The following PIP4K2A variants were observed in gnomAD, a reference collection of about 807,000 sequenced individuals.
PIP4K2A encodes the protein phosphatidylinositol-5-phosphate 4-kinase type 2 alpha, also known as phosphatidylinositol 5-phosphate 4-kinase type-2 alpha.
A neutral mutation model predicts 42.9 loss-of-function variants in PIP4K2A; 14 were observed. That is an observed-to-expected ratio of 0.33 (90% CI 0.22 to 0.51). The LOEUF (loss-of-function observed/expected upper bound fraction) is 0.51. PIP4K2A is among the 20% of genes least tolerant of loss of function. The probability of loss-of-function intolerance (pLI) is 0.97; values close to 1 mark genes in which losing one functional copy is unlikely to be tolerated. For missense variants in PIP4K2A, 434 were observed against 519.8 expected (o/e 0.83, Z 1.61); for synonymous variants, 192 against 192.2 (o/e 1.00, Z 0.01).
At chr10:22,660,358 C>G (rs1839181156) in intron 1 of PIP4K2A, among the ~76,000 whole-genome samples, 1 of 152,102 alleles carries the variant, frequency 6.6e-6, no homozygotes, top group Admixed American at 6.5e-5. Context: ...GTAATCCCAG[C>G]TACTTGGGAG....
rs151043322 is a variant in PIP4K2A at position 22,559,969 on chromosome 10, C to T, written c.678+7882G>A. Among the ~76,000 whole-genome samples, 217 of 152,270 alleles carry T rather than the reference C, an allele frequency of 1.4e-3. 2 individuals are homozygous for T. Among genetic ancestry groups the T allele is most frequent in the African/African-American group, 5.1e-3 (210 of 41,532 alleles). On this transcript the variant is annotated intron_variant, in intron 6 of 9. Transcript: ENST00000376573. ...AACCCTCTGTTTGGAGTCCTTCACC[C>T]AAATCTCCCTTTTATAAAATGTCTC...
At chr10:22,693,700 A>C (rs946553516) in intron 1 of PIP4K2A, among the ~76,000 whole-genome samples, 1 of 152,136 alleles carries the variant, frequency 6.6e-6, no homozygotes, top group African/African-American at 2.4e-5. Flanking sequence ...TGACCTTAAC[A>C]CACACACCCA....
chr10:22,616,726 G>C (rs988611476), intron 1 of PIP4K2A, among the ~76,000 whole-genome samples: 1 of 152,124 alleles, frequency 6.6e-6, no homozygotes, highest in Non-Finnish European at 1.5e-5. Context: ...TACATGTTTA[G>C]GGCAGATGAT....
intron 1 of PIP4K2A, among the ~76,000 whole-genome samples, chr10:22,677,590 G>A (rs1025957036): frequency 3.3e-5 from 5 of 152,166 alleles, no homozygotes; most frequent in Admixed American, 6.5e-5. Flanking sequence ...GATGAATGTG[G>A]AAACTGAGTG....
intron 3 of PIP4K2A, among the ~76,000 whole-genome samples, chr10:22,607,290 T>A (rs534159699): frequency 6.6e-6 from 1 of 152,202 alleles, no homozygotes; most frequent in Non-Finnish European, 1.5e-5. Context: ...AAAGTTAGAA[T>A]GAAGGACCAG....
intron 1 of PIP4K2A, among the ~76,000 whole-genome samples, chr10:22,649,227 T>C (rs1009554169): frequency 1.3e-5 from 2 of 152,254 alleles, no homozygotes; most frequent in Admixed American, 6.5e-5. Context: ...AAGCAACTTA[T>C]GAATAATTTA....
At chr10:22,688,595 G>C (rs1401915655) in intron 1 of PIP4K2A, among the ~76,000 whole-genome samples, 2 of 152,086 alleles carry the variant, frequency 1.3e-5, no homozygotes, top group African/African-American at 4.8e-5. Context: ...TGAGACTACA[G>C]GCACTCACCA....
chr10:22,641,339 C>T (rs1032272151), intron 1 of PIP4K2A, among the ~76,000 whole-genome samples: 6 of 152,132 alleles, frequency 3.9e-5, no homozygotes, highest in Admixed American at 3.3e-4. Flanking sequence ...GAGTCTGTCT[C>T]AGTAAATAGA....
At chr10:22,690,148 A>C (rs1839835481) in intron 1 of PIP4K2A, among the ~76,000 whole-genome samples, 1 of 152,190 alleles carries the variant, frequency 6.6e-6, no homozygotes, top group South Asian at 2.1e-4. Context: ...TAAGGGTTTA[A>C]TGTATATTAA....
intron 3 of PIP4K2A, among the ~76,000 whole-genome samples, chr10:22,600,009 T>C (rs923816136): frequency 2.6e-5 from 4 of 152,320 alleles, no homozygotes; most frequent in Middle Eastern, 3.4e-3. Flanking sequence ...CCAGGATTAG[T>C]GGAGCCCCCA....
At chr10:22,683,912 T>C (rs1839712025) in intron 1 of PIP4K2A, among the ~76,000 whole-genome samples, 1 of 151,988 alleles carries the variant, frequency 6.6e-6, no homozygotes, top group South Asian at 2.1e-4. Context: ...ATTTTCTTTA[T>C]ATCTCTCCTG....
intron 1 of PIP4K2A, among the ~76,000 whole-genome samples, chr10:22,619,439 C>CT (rs746519034): frequency 0.027 from 3,678 of 137,428 alleles, 166 homozygotes; most frequent in African/African-American, 0.083. Context: ...TTTCTTTTTT[C>CT]TTTTTTTTTT....
intron 1 of PIP4K2A, among the ~76,000 whole-genome samples, chr10:22,697,595 C>G (rs1451716063): frequency 6.6e-6 from 1 of 152,074 alleles, no homozygotes; most frequent in African/African-American, 2.4e-5. Flanking sequence ...TATGGTGGCA[C>G]ACAACTATAG....
At chr10:22,699,142 A>C (rs1329599474) in intron 1 of PIP4K2A, among the ~76,000 whole-genome samples, 1 of 152,210 alleles carries the variant, frequency 6.6e-6, no homozygotes, top group African/African-American at 2.4e-5. Flanking sequence ...GCAACGTGCC[A>C]AAAAGAAAGT....
chr10:22,576,298 T>C (rs1030681314), intron 4 of PIP4K2A, among the ~76,000 whole-genome samples: 1 of 152,208 alleles, frequency 6.6e-6, no homozygotes, highest in East Asian at 1.9e-4. Flanking sequence ...GGAACCTCTG[T>C]TCTCTAGCAC....
At chr10:22,631,730 C>T (rs903766707) in intron 1 of PIP4K2A, among the ~76,000 whole-genome samples, 1 of 152,102 alleles carries the variant, frequency 6.6e-6, no homozygotes, top group African/African-American at 2.4e-5. Flanking sequence ...TTGCAAATAC[C>T]ACAGTAATAA....
chr10:22,622,863 T>A (rs1002572382), intron 1 of PIP4K2A, among the ~76,000 whole-genome samples: 5 of 152,054 alleles, frequency 3.3e-5, no homozygotes, highest in Non-Finnish European at 5.9e-5. Context: ...TAAAAATAAC[T>A]GAGTCACAGT....
chr10:22,660,199 G>A (rs569419311), intron 1 of PIP4K2A, among the ~76,000 whole-genome samples: 16 of 152,198 alleles, frequency 1.1e-4, no homozygotes, highest in Middle Eastern at 3.4e-3. Context: ...GGACGGACAC[G>A]GTGGCTCATA....
chr10:22,683,819 T>A (rs886830156), intron 1 of PIP4K2A, among the ~76,000 whole-genome samples: 1 of 149,196 alleles, frequency 6.7e-6, no homozygotes, highest in Non-Finnish European at 1.5e-5. Flanking sequence ...CTCTTGTAGC[T>A]TTCCTACCAA....
Sources: allele counts gnomAD v4.1 joint callset (sites outside exome capture counted in the v4.1 genomes callset), GRCh38; gene constraint gnomAD v4.1.1; transcripts MANE v1.5; gene names NCBI Gene and HGNC (gene_info 2026-07-23, HGNC 2026-07-21).